The following LRRC20 variants were observed in gnomAD, a reference collection of about 807,000 sequenced individuals.
LRRC20 encodes leucine rich repeat containing 20, also known as leucine-rich repeat-containing protein 20.
Under a neutral mutation model 14.4 loss-of-function variants are expected in LRRC20, and 11 were observed. The ratio of observed to expected loss-of-function variants is 0.77; its 90% CI spans 0.48 to 1.27. The LOEUF (loss-of-function observed/expected upper bound fraction) is 1.27, where lower values mean the gene tolerates loss of function less well. LRRC20 is among the 50% of genes most tolerant of loss of function. The pLI is 0.00. For missense variants in LRRC20, 219 were observed against 251.2 expected (o/e 0.87, Z 0.87); for synonymous variants, 121 against 107.3 (o/e 1.13, Z -0.79).
At chr10:70,365,053 C>CTTTTTT (rs10581759) in intron 2 of LRRC20, among the ~76,000 whole-genome samples, 3 of 71,430 alleles carry the variant, frequency 4.2e-5, no homozygotes, top group African/African-American at 1.6e-4. Flanking sequence ...TGAGATTCAA[C>CTTTTTT]TTTTTTTTTT....
chr10:70,362,096 A>G (rs1843747172), intron 2 of LRRC20, among the ~76,000 whole-genome samples: 2 of 152,206 alleles, frequency 1.3e-5, no homozygotes, highest in African/African-American at 2.4e-5. Flanking sequence ...GAAGCACGAG[A>G]ATCACTTGAA....
chr10:70,316,779 T>C (rs1841879694), intron 4 of LRRC20, among the ~76,000 whole-genome samples: 1 of 152,262 alleles, frequency 6.6e-6, no homozygotes. Flanking sequence ...TTGCACTGTT[T>C]GTCTAATGAC....
At chr10:70,368,218 C>G (rs1213208215) in intron 2 of LRRC20, among the ~76,000 whole-genome samples, 1 of 133,360 alleles carries the variant, frequency 7.5e-6, no homozygotes, top group South Asian at 2.4e-4. Flanking sequence ...AGTGCAGTGG[C>G]ACAATCTCAG....
At chr10:70,329,604 C>T (rs372010978) in intron 3 of LRRC20, among the ~76,000 whole-genome samples, 11 of 151,422 alleles carry the variant, frequency 7.3e-5, no homozygotes, top group East Asian at 3.9e-4. Context: ...CTCTGTCCCC[C>T]AGACTGGAGT....
At chr10:70,337,567 T>C (rs114189560) in intron 3 of LRRC20, among the ~76,000 whole-genome samples, 3,842 of 152,294 alleles carry the variant, frequency 0.025, 151 homozygotes, top group African/African-American at 0.087. Context: ...GTAGCATTTC[T>C]CTGGCACCTT....
rs978440558 is a variant in LRRC20, at chr10:70,301,154, C to A, written c.*200G>T. On this transcript the variant is annotated 3_prime_UTR_variant, in exon 5 of 5. Coordinates refer to ENST00000446961, the MANE Select transcript of LRRC20 (RefSeq NM_001278212.2). Reference sequence around the variant, plus strand: ...TGCCGAGTCCAGGCTGCAGGCCCCACCTTGCCTCTTCCCTTGGGCATTCCA... The same window carrying A: ...TGCCGAGTCCAGGCTGCAGGCCCCAACTTGCCTCTTCCCTTGGGCATTCCA... The A allele has an allele frequency of 8.0e-6, 11 of 1,379,722 alleles. No individual in the cohort carries two copies. In the Admixed American group the frequency reaches 1.3e-4, roughly 17 times the overall value. The allele number at this position is 1,379,722 out of a possible 1,614,324, so 85.5% of individuals were successfully genotyped here.
At chr10:70,321,010 G>A (rs1842058535) in intron 4 of LRRC20, among the ~76,000 whole-genome samples, 7 of 152,164 alleles carry the variant, frequency 4.6e-5, no homozygotes, top group Admixed American at 3.9e-4. Flanking sequence ...GCCAGGTTGG[G>A]GCCGCTTTGG....
intron 4 of LRRC20, among the ~76,000 whole-genome samples, chr10:70,319,900 C>T (rs546814851): frequency 1.2e-4 from 19 of 152,178 alleles, no homozygotes; most frequent in Non-Finnish European, 1.8e-4. Context: ...CCCAAGACCC[C>T]GGAAGCCTCT....
At chr10:70,302,654 C>G (rs1841246364) in intron 4 of LRRC20, among the ~76,000 whole-genome samples, 1 of 151,618 alleles carries the variant, frequency 6.6e-6, no homozygotes, top group African/African-American at 2.4e-5. Flanking sequence ...AGGAGAATCT[C>G]TTGAGCCCAG....
At chr10:70,329,192 C>G (rs991297014) in intron 3 of LRRC20, among the ~76,000 whole-genome samples, 1 of 152,180 alleles carries the variant, frequency 6.6e-6, no homozygotes, top group Non-Finnish European at 1.5e-5. Flanking sequence ...CCAACCTTAA[C>G]AAGCTTACAG....
chr10:70,306,552 A>G (rs79317625), intron 4 of LRRC20, among the ~76,000 whole-genome samples: 12 of 152,300 alleles, frequency 7.9e-5, no homozygotes, highest in Non-Finnish European at 1.5e-4. Flanking sequence ...GCACAGGTGC[A>G]TGTCCTTCCT....
chr10:70,359,266 T>C (rs1040294383), intron 2 of LRRC20, among the ~76,000 whole-genome samples: 5 of 151,972 alleles, frequency 3.3e-5, no homozygotes, highest in African/African-American at 1.2e-4. Context: ...TTCAAGAATC[T>C]CCATGCCAGG....
At chr10:70,307,383 T>C (rs1331947669) in intron 4 of LRRC20, among the ~76,000 whole-genome samples, 1 of 152,236 alleles carries the variant, frequency 6.6e-6, no homozygotes, top group African/African-American at 2.4e-5. Context: ...TGTCAATGAA[T>C]ATGTGTATAT....
rs145913117 is a variant in LRRC20, at chr10:70,315,966, A to G, written c.400+7897T>C. On this transcript the variant is annotated intron_variant, in intron 4 of 4. Coordinates refer to ENST00000446961, the MANE Select transcript of LRRC20 (RefSeq NM_001278212.2). ...ACATACCCATGTCCATATCCCCACA[A>G]GCCTTTTATTCCTTGGATAAGGCAT... Among the ~76,000 whole-genome samples, 453 of 152,188 alleles carry G rather than the reference A, an allele frequency of 3.0e-3. 4 individuals carry two copies. The highest frequency in any genetic ancestry group is 0.011 in the African/African-American group (436 of 41,506).
chr10:70,340,882 A>G (rs900963333), intron 2 of LRRC20, among the ~76,000 whole-genome samples, 180 bp from the exon 3 acceptor site: 1 of 152,002 alleles, frequency 6.6e-6, no homozygotes, highest in Non-Finnish European at 1.5e-5. Flanking sequence ...CCTCATAGGC[A>G]TTAACTCACA....
intron 3 of LRRC20, among the ~76,000 whole-genome samples, chr10:70,336,967 C>A (rs1842741764): frequency 6.6e-6 from 1 of 152,204 alleles, no homozygotes; most frequent in Admixed American, 6.5e-5. Context: ...GCCATCAGAC[C>A]AATTCCATGT....
At chr10:70,358,960 C>T (rs1270655849) in intron 2 of LRRC20, among the ~76,000 whole-genome samples, 1 of 152,182 alleles carries the variant, frequency 6.6e-6, no homozygotes, top group Non-Finnish European at 1.5e-5. Flanking sequence ...GTCTCAGCAT[C>T]CCACTTTGTA....
chr10:70,360,728 C>T (rs939639502), intron 2 of LRRC20, among the ~76,000 whole-genome samples: 2 of 152,138 alleles, frequency 1.3e-5, no homozygotes, highest in African/African-American at 4.8e-5. Flanking sequence ...CAGGTGTGAG[C>T]CACCACACTG....
At chr10:70,312,584 C>T (rs1841710699) in intron 4 of LRRC20, among the ~76,000 whole-genome samples, 1 of 152,186 alleles carries the variant, frequency 6.6e-6, no homozygotes, top group Non-Finnish European at 1.5e-5. Flanking sequence ...TGAGTTCTAG[C>T]CTGCAGAAAA....
Sources: gnomAD v4.1 joint callset for allele counts (sites outside exome capture counted in the v4.1 genomes callset) on GRCh38, gnomAD v4.1.1 for gene constraint, MANE v1.5 for transcripts, NCBI Gene and HGNC (gene_info 2026-07-23, HGNC 2026-07-21) for gene names.